Variants in STPG2 observed in about 807,000 individuals in gnomAD.
The protein encoded by STPG2 is sperm-tail PG-rich repeat-containing protein 2.
Under a neutral mutation model 54.2 loss-of-function variants are expected in STPG2, and 56 were observed. The observed-to-expected ratio is 1.03, with a 90% CI of 0.83 to 1.29. The LOEUF is 1.29. Ranked by LOEUF, STPG2 falls within the 50% of genes most tolerant of loss-of-function variation. The pLI, the probability that STPG2 is intolerant of heterozygous loss-of-function variation, is 0.00. For missense variants in STPG2, 596 were observed against 544.9 expected, an observed-to-expected ratio of 1.09 and a Z score of -0.93; for synonymous variants, 200 against 181.8, an observed-to-expected ratio of 1.10 and a Z score of -0.81.
chr4:97,632,851 A>G (rs1196770701), intron 10 of STPG2, among the ~76,000 whole-genome samples: 1 of 152,170 alleles, frequency 6.6e-6, no homozygotes, highest in Non-Finnish European at 1.5e-5. Flanking sequence ...TATAATTAGA[A>G]GCTTATTAAC....
intron 8 of STPG2, among the ~76,000 whole-genome samples, chr4:97,895,404 A>G (rs993716310): frequency 1.7e-4 from 26 of 151,936 alleles, no homozygotes; most frequent in Admixed American, 1.2e-3. Flanking sequence ...TGAAAAAAGC[A>G]TGGAGGATGT....
chr4:97,687,540 A>T (rs1380269660), intron 10 of STPG2, among the ~76,000 whole-genome samples: 1 of 151,404 alleles, frequency 6.6e-6, no homozygotes, highest in African/African-American at 2.4e-5. Context: ...GGGTTTCACC[A>T]CGTTGGCCAA....
intron 9 of STPG2, among the ~76,000 whole-genome samples, chr4:97,782,710 T>C (rs1046934862): frequency 2.0e-5 from 3 of 152,122 alleles, no homozygotes; most frequent in South Asian, 2.1e-4. Context: ...CAAAACCACA[T>C]GGTACTGGTA....
At chr4:97,573,970 A>G (rs1732660648) in intron 10 of STPG2, among the ~76,000 whole-genome samples, 1 of 152,108 alleles carries the variant, frequency 6.6e-6, no homozygotes, top group South Asian at 2.1e-4. Flanking sequence ...AAGCATGACA[A>G]GATAATGAAG....
At chr4:98,109,413 G>A in intron 3 of STPG2, 108 bp from the exon 4 acceptor site, 1 of 756,742 alleles carries the variant, frequency 1.3e-6, no homozygotes, top group Non-Finnish European at 2.1e-6. Context: ...GATAGCCTCA[G>A]TAAGGGGGTT....
At position 98,112,902 on chromosome 4, in the gene STPG2, A is replaced by G. The variant is rs139806470; in HGVS notation, c.388-3597T>C. 8.8e-4 allele frequency among the ~76,000 whole-genome samples: 134 copies of G among 152,192 alleles called. 1 individual carries two copies. The highest frequency in any genetic ancestry group is 3.4e-3 in the Middle Eastern group (1 of 294). On this transcript the variant is annotated intron_variant, in intron 3 of 10. Coordinates refer to ENST00000295268, the MANE Select transcript of STPG2 (RefSeq NM_174952.3). ...CTAGTAAGAAAATCTTAGTGTCAAA[A>G]GAGTGGCAATGCTAAATACTGGGGA... is the stretch of plus-strand genomic sequence containing the variant.
intron 8 of STPG2, among the ~76,000 whole-genome samples, chr4:97,876,120 G>A (rs943309050): frequency 1.1e-4 from 17 of 151,952 alleles, no homozygotes; most frequent in African/African-American, 3.9e-4. Context: ...AATCTCAAGC[G>A]AATGCTAAAA....
intron 9 of STPG2, among the ~76,000 whole-genome samples, chr4:97,778,712 G>C (rs1338376050): frequency 1.3e-5 from 2 of 152,150 alleles, no homozygotes; most frequent in African/African-American, 4.8e-5. Flanking sequence ...TCACACGGCT[G>C]GGTACTACTC....
At chr4:97,494,712 C>T (rs1047568372) in intron 4 of STPG2, among the ~76,000 whole-genome samples, 2 of 86,678 alleles carry the variant, frequency 2.3e-5, no homozygotes, top group African/African-American at 5.5e-5. Context: ...GAGAGTTTTG[C>T]GGAAGGAGTA....
intron 7 of STPG2, among the ~76,000 whole-genome samples, chr4:97,967,978 A>G (rs1560614657): frequency 6.6e-6 from 1 of 152,182 alleles, no homozygotes; most frequent in Non-Finnish European, 1.5e-5. Flanking sequence ...ACACATTCAA[A>G]AGCTAGCAGA....
At chr4:97,638,475 A>G (rs1210619532) in intron 10 of STPG2, among the ~76,000 whole-genome samples, 1 of 152,200 alleles carries the variant, frequency 6.6e-6, no homozygotes, top group Admixed American at 6.5e-5. Context: ...TATGGCAACA[A>G]AAGACAAAAT....
intron 10 of STPG2, among the ~76,000 whole-genome samples, chr4:97,585,904 C>G (rs952471448): frequency 2.0e-5 from 3 of 151,538 alleles, no homozygotes; most frequent in African/African-American, 7.3e-5. Context: ...AAAACCCAGA[C>G]AAAATAGAAA....
At chr4:97,479,266 CTA>C (rs1730158199) in intron 4 of STPG2, among the ~76,000 whole-genome samples, 1 of 151,782 alleles carries the variant, frequency 6.6e-6, no homozygotes, top group African/African-American at 2.4e-5. Flanking sequence ...GGGTGTGGGT[CTA>C]TATATGCATA....
Position 97,962,034 on chromosome 4 carries a change from G to C in STPG2, c.933+10246C>G, listed in dbSNP as rs886342003. ...ATGAAATACTACTCAGCAATAAAAA[G>C]GAATGAATTAATGGCATTCACAGAA... is the stretch of plus-strand genomic sequence containing the variant. On this transcript the variant is annotated intron_variant, in intron 7 of 10. Coordinates refer to ENST00000295268, the MANE Select transcript of STPG2 (RefSeq NM_174952.3). Among the ~76,000 whole-genome samples, 26 of 152,126 alleles carry C rather than the reference G, an allele frequency of 1.7e-4. 1 individual carries two copies. Among genetic ancestry groups the C allele is most frequent in the African/African-American group, 2.4e-5 (1 of 41,444 alleles).
At chr4:98,018,493 T>G (rs948236903) in intron 5 of STPG2, among the ~76,000 whole-genome samples, 4 of 152,244 alleles carry the variant, frequency 2.6e-5, no homozygotes, top group African/African-American at 9.6e-5. Flanking sequence ...TGCATGTGTC[T>G]TTATAGCAGC....
chr4:97,631,437 T>A (rs1721275861), intron 10 of STPG2, among the ~76,000 whole-genome samples: 1 of 152,046 alleles, frequency 6.6e-6, no homozygotes, highest in African/African-American at 2.4e-5. Flanking sequence ...AAATATTGGG[T>A]TCATGCAAAC....
intron 4 of STPG2, among the ~76,000 whole-genome samples, chr4:97,512,573 A>G (rs1454502017): frequency 6.6e-6 from 1 of 151,858 alleles, no homozygotes; most frequent in African/African-American, 2.4e-5. Flanking sequence ...GGGAGAACAG[A>G]GGAGAGAAGA....
At chr4:97,649,070 A>G (rs1405531191) in intron 10 of STPG2, among the ~76,000 whole-genome samples, 2 of 152,134 alleles carry the variant, frequency 1.3e-5, no homozygotes, top group Non-Finnish European at 2.9e-5. Flanking sequence ...ACTCCTCACT[A>G]ATTGTCAGAA....
intron 5 of STPG2, among the ~76,000 whole-genome samples, chr4:98,016,008 G>C (rs1158169618): frequency 6.6e-6 from 1 of 152,142 alleles, no homozygotes; most frequent in African/African-American, 2.4e-5. Flanking sequence ...GATGAACAAT[G>C]AGAACACATG....
Sources: gnomAD v4.1 joint callset for allele counts (sites outside exome capture counted in the v4.1 genomes callset) on GRCh38, gnomAD v4.1.1 for gene constraint, MANE v1.5 for transcripts, NCBI Gene and HGNC (gene_info 2026-07-23, HGNC 2026-07-21) for gene names.